STK32B: variants seen among roughly 807,000 people sequenced by gnomAD.
STK32B encodes the protein serine/threonine kinase 32B.
In STK32B, 43 loss-of-function variants were observed where a neutral mutation model predicts 52.6. The observed-to-expected ratio is 0.82, with a 90% CI of 0.64 to 1.05. The LOEUF is 1.05. STK32B is among the 50% of genes least tolerant of loss of function. The pLI, the probability that STK32B is intolerant of heterozygous loss-of-function variation, is 0.00. For missense variants in STK32B, 621 were observed against 534.6 expected, an observed-to-expected ratio of 1.16 and a Z score of -1.59; for synonymous variants, 238 against 204.3, an observed-to-expected ratio of 1.17 and a Z score of -1.41.
At chr4:5,031,689 TG>T in the STK32B span, among the ~76,000 whole-genome samples, 1 of 152,192 alleles carries the variant, frequency 6.6e-6, no homozygotes, top group African/African-American at 2.4e-5. Context: ...AAGTCCTCTT[TG>T]CACAGGGATG....
At chr4:5,270,475 G>A (rs1250348978) in intron 3 of STK32B, among the ~76,000 whole-genome samples, 1 of 151,908 alleles carries the variant, frequency 6.6e-6, no homozygotes, top group Non-Finnish European at 1.5e-5. Flanking sequence ...TGACTCAAAG[G>A]CAGATCTCCT....
chr4:5,377,424 C>T (rs79099616), intron 4 of STK32B, among the ~76,000 whole-genome samples: 3,401 of 152,340 alleles, frequency 0.022, 63 homozygotes, highest in East Asian at 0.084. Flanking sequence ...CTTATCACAA[C>T]ACCTATAAGC....
At chr4:5,406,964 A>G (rs1737724338) in intron 5 of STK32B, among the ~76,000 whole-genome samples, 2 of 152,088 alleles carry the variant, frequency 1.3e-5, no homozygotes, top group South Asian at 2.1e-4. Flanking sequence ...TTTCTACCAC[A>G]TGGCCAGGCT....
At chr4:5,306,643 A>T (rs755806941) in intron 3 of STK32B, among the ~76,000 whole-genome samples, 45 of 152,148 alleles carry the variant, frequency 3.0e-4, no homozygotes, top group Non-Finnish European at 5.6e-4. Context: ...CACATTCAAC[A>T]TTAGCATGGA....
chr4:5,243,260 G>A (rs1577235135), intron 3 of STK32B, among the ~76,000 whole-genome samples: 1 of 152,160 alleles, frequency 6.6e-6, no homozygotes, highest in African/African-American at 2.4e-5. Flanking sequence ...TCATTGAGCA[G>A]TGGTTTGTAG....
At chr4:5,077,640 T>G (rs1423559111) in intron 1 of STK32B, among the ~76,000 whole-genome samples, 1 of 152,034 alleles carries the variant, frequency 6.6e-6, no homozygotes, top group Non-Finnish European at 1.5e-5. Context: ...TCAAAATACC[T>G]CTTACCTATT....
rs549919468 is a variant in STK32B at position 5,458,128 on chromosome 4, G to A, written c.783+1205G>A. 2.8e-4 allele frequency among the ~76,000 whole-genome samples: 43 copies of A among 152,306 alleles called. No individual in the cohort carries two copies. The South Asian group carries it at 6.2e-3, about 22-fold the overall frequency. On this transcript the variant is annotated intron_variant, in intron 8 of 11. Transcript: ENST00000282908. ...ACATCCTCAGGCTCCACCCAGACCT[G>A]AATCAGACACCTGGGGTGGGCCCCA...
chr4:5,222,807 A>G (rs1482745156), intron 3 of STK32B, among the ~76,000 whole-genome samples: 1 of 152,236 alleles, frequency 6.6e-6, no homozygotes, highest in African/African-American at 2.4e-5. Flanking sequence ...CTGGCCATGT[A>G]TACAGTAAAA....
At chr4:5,271,733 T>G (rs1288372110) in intron 3 of STK32B, among the ~76,000 whole-genome samples, 1 of 145,548 alleles carries the variant, frequency 6.9e-6, no homozygotes, top group Non-Finnish European at 1.5e-5. Flanking sequence ...CCTTGTAAGT[T>G]GGATTCCTAA....
chr4:5,297,935 T>C (rs1028502780), intron 3 of STK32B, among the ~76,000 whole-genome samples: 1 of 152,200 alleles, frequency 6.6e-6, no homozygotes, highest in Non-Finnish European at 1.5e-5. Context: ...ACCTTTGATC[T>C]TTGATGCTGA....
chr4:5,338,968 A>G (rs1468052861), intron 4 of STK32B, among the ~76,000 whole-genome samples: 2 of 152,236 alleles, frequency 1.3e-5, no homozygotes, highest in African/African-American at 4.8e-5. Context: ...AGTGAACTGC[A>G]TGAAGCAGAT....
rs185710345 is a variant in STK32B at position 5,105,754 on chromosome 4, A to G, written c.53-34151A>G. On this transcript the variant is annotated intron_variant, in intron 1 of 11. Coordinates refer to ENST00000282908, the MANE Select transcript of STK32B (RefSeq NM_018401.3). ...AATTTTTTGTATTTTTAATAGAGAC[A>G]GGGTTTCACTGTGTTAGCCAGGATG... Among the ~76,000 whole-genome samples, 1,221 of 151,792 alleles carry G rather than the reference A, an allele frequency of 8.0e-3. 13 individuals are homozygous for G. The highest frequency in any genetic ancestry group is 0.026 in the African/African-American group (1,085 of 41,426).
intron 4 of STK32B, among the ~76,000 whole-genome samples, chr4:5,334,858 G>A (rs1475714635): frequency 1.3e-5 from 2 of 152,012 alleles, no homozygotes; most frequent in Admixed American, 6.5e-5. Flanking sequence ...GCTTTTTGAT[G>A]TGCTGCTGGA....
At chr4:5,037,860 TATTC>T in the STK32B span, among the ~76,000 whole-genome samples, 1 of 152,308 alleles carries the variant, frequency 6.6e-6, no homozygotes, top group East Asian at 1.9e-4. Flanking sequence ...GGGGACCTGT[TATTC>T]ATTTCTGTTC....
At chr4:5,033,998 T>C in the STK32B span, among the ~76,000 whole-genome samples, 1 of 152,272 alleles carries the variant, frequency 6.6e-6, no homozygotes, top group East Asian at 1.9e-4. Context: ...GTGCAGGAGA[T>C]GTGAGGCCCT....
chr4:5,237,256 A>G (rs1296628572), intron 3 of STK32B, among the ~76,000 whole-genome samples: 2 of 152,202 alleles, frequency 1.3e-5, no homozygotes, highest in Non-Finnish European at 2.9e-5. Flanking sequence ...TGGCCAGCTC[A>G]GCTCACGCCA....
At chr4:5,488,172 C>G (rs1719391319) in intron 11 of STK32B, among the ~76,000 whole-genome samples, 1 of 152,124 alleles carries the variant, frequency 6.6e-6, no homozygotes, top group Non-Finnish European at 1.5e-5. Context: ...GGGGCACATT[C>G]CCGTAATCCC....
intron 2 of STK32B, among the ~76,000 whole-genome samples, chr4:5,155,621 C>T (rs555676416): frequency 6.6e-6 from 1 of 152,224 alleles, no homozygotes; most frequent in African/African-American, 2.4e-5. Flanking sequence ...TGGGAGGTGA[C>T]TGGTTCCTGG....
chr4:5,384,642 G>A (rs1178743566), intron 4 of STK32B, among the ~76,000 whole-genome samples: 2 of 152,198 alleles, frequency 1.3e-5, no homozygotes, highest in African/African-American at 4.8e-5. Context: ...GGTTCCGCCA[G>A]GTGAACAGTC....
Sources: gnomAD v4.1 joint callset for allele counts (sites outside exome capture counted in the v4.1 genomes callset) on GRCh38, gnomAD v4.1.1 for gene constraint, MANE v1.5 for transcripts, NCBI Gene and HGNC (gene_info 2026-07-23, HGNC 2026-07-21) for gene names.